The following TGFB1 variants were observed in gnomAD, a reference collection of about 807,000 sequenced individuals.
TGFB1 encodes transforming growth factor beta-1 proprotein.
In TGFB1, 19 loss-of-function variants were observed where a neutral mutation model predicts 43.8. The ratio of observed to expected loss-of-function variants is 0.43; its 90% CI spans 0.30 to 0.64. TGFB1 has a LOEUF of 0.64. Among genes scored for constraint, TGFB1 ranks in the 30% least tolerant of loss-of-function variants. The pLI, the probability that TGFB1 is intolerant of heterozygous loss-of-function variation, is 0.11. For synonymous variants in TGFB1, 221 were observed against 236.3 expected, an observed-to-expected ratio of 0.94 and a Z score of 0.60; for missense variants, 445 against 529.8, an observed-to-expected ratio of 0.84 and a Z score of 1.57.
At chr19:41,331,647 C>T (rs1171579946) in intron 6 of TGFB1, among the ~76,000 whole-genome samples, 1 of 142,964 alleles carries the variant, frequency 7.0e-6, no homozygotes, top group East Asian at 2.2e-4. Context: ...CTCCTGGGCT[C>T]AAGCGATCCT....
At chr19:41,340,267 T>C (rs1271499075) in intron 5 of TGFB1, among the ~76,000 whole-genome samples, 2 of 148,748 alleles carry the variant, frequency 1.3e-5, no homozygotes, top group African/African-American at 2.5e-5. Context: ...TTTTTTTTTT[T>C]TTTTTTTTAG....
intron 1 of TGFB1, chr19:41,350,887 A>T (rs190286229): frequency 1.3e-5 from 2 of 152,082 alleles, no homozygotes; most frequent in African/African-American, 2.4e-5. Context: ...GGGAAGACAG[A>T]TAGGGAGGAA....
At chr19:41,332,396 A>T in intron 5 of TGFB1, 115 bp from the exon 6 acceptor site, 2 of 1,238,964 alleles carry the variant, frequency 1.6e-6, no homozygotes, top group East Asian at 2.6e-5. Flanking sequence ...CCCTATCTCC[A>T]TCTGGGTCTC....
At chr19:41,347,351 T>C (rs959789168) in intron 2 of TGFB1, among the ~76,000 whole-genome samples, 1 of 152,268 alleles carries the variant, frequency 6.6e-6, no homozygotes, top group African/African-American at 2.4e-5. Context: ...TTTAAACAAT[T>C]TAAATTTTAA....
rs1203938760 is a variant in TGFB1, at chr19:41,352,876, G to A, written c.169C>T (p.Leu57=). 6.4e-7 allele frequency: 1 copy of A among 1,564,408 alleles called. No homozygotes were observed. Among genetic ancestry groups the A allele is most frequent in the Admixed American group, 1.9e-5 (1 of 51,970 alleles). The part of the protein sequence containing the change: ...EAIRGQILSK[L]RLASPPSQGE... ...TGGCTCGGGGGGCTGGCGAGCCGCAGCTTGGACAGGATCTGGCCGCGGATG... is the reference window on the plus strand; with the variant it reads ...TGGCTCGGGGGGCTGGCGAGCCGCAACTTGGACAGGATCTGGCCGCGGATG... Residue 57 remains leucine (L), a synonymous_variant, in exon 1 of 7, where the codon CTG becomes TTG. Transcript: ENST00000221930.
At chr19:41,348,179 T>C in intron 2 of TGFB1, 116 bp downstream of exon 2, 6 of 1,155,700 alleles carry the variant, frequency 5.2e-6, no homozygotes, top group Non-Finnish European at 6.4e-6. Flanking sequence ...TGTTCTTCTA[T>C]CCTTCAGGGA....
intron 1 of TGFB1, among the ~76,000 whole-genome samples, chr19:41,348,719 G>T (rs1470778424): frequency 6.6e-6 from 1 of 151,744 alleles, no homozygotes; most frequent in Non-Finnish European, 1.5e-5. Context: ...CGCCTCCAGG[G>T]TTCAAGCAAT....
intron 2 of TGFB1, among the ~76,000 whole-genome samples, chr19:41,345,644 G>C (rs2038107558): frequency 1.3e-5 from 2 of 152,006 alleles, no homozygotes; most frequent in African/African-American, 2.4e-5. Flanking sequence ...GCTCACGCCT[G>C]TTATCCCAGC....
intron 2 of TGFB1, among the ~76,000 whole-genome samples, chr19:41,346,401 A>G (rs972954756): frequency 6.6e-6 from 1 of 152,220 alleles, no homozygotes; most frequent in Non-Finnish European, 1.5e-5. Context: ...AGTCCACTCC[A>G]GGGACTGCAG....
chr19:41,352,564 C>T lies in TGFB1; in HGVS notation c.355+126G>A, dbSNP rs575457651. 11 of 1,154,876 alleles carry T rather than the reference C, an allele frequency of 9.5e-6. No individual in the cohort carries two copies. In the South Asian group the frequency reaches 1.3e-4, roughly 14 times the overall value. 71.5% of individuals were successfully genotyped at this position (1,154,876 alleles called of 1,614,324 possible). ...ACCCCCCTCCCACCATCACACGTTC[C>T]CTTTGCCCCGGGGTGTCCTCTTCCT... is the stretch of plus-strand genomic sequence containing the variant. On this transcript the variant is annotated intron_variant, in intron 1 of 6. Transcript: ENST00000221930.
intron 2 of TGFB1, among the ~76,000 whole-genome samples, chr19:41,346,098 C>A (rs1302905268): frequency 6.6e-6 from 1 of 152,052 alleles, no homozygotes; most frequent in Non-Finnish European, 1.5e-5. Context: ...CGCTTGTAAT[C>A]CCAGCACTTT....
intron 5 of TGFB1, among the ~76,000 whole-genome samples, chr19:41,341,312 A>G (rs565042542): frequency 1.6e-4 from 23 of 148,078 alleles, no homozygotes; most frequent in Admixed American, 1.1e-3. Flanking sequence ...TAAAAATACA[A>G]AAAAATTAGC....
chr19:41,353,105 GC>G lies in TGFB1; in HGVS notation c.-62del. ...CGAACAGGGCTGGTGTGGTGGGGAG[GC>G]CCCGCCCCTGCAGGGGCTGGGGGTC... On this transcript the variant is annotated 5_prime_UTR_variant, in exon 1 of 7. Coordinates refer to ENST00000221930, the MANE Select transcript of TGFB1 (RefSeq NM_000660.7). The surrounding 1 kb of genome is among the most constrained non-coding windows in gnomAD (Gnocchi z 5.9). The G allele has an allele frequency of 6.9e-7, 1 of 1,441,410 alleles. No individual in the cohort carries two copies. The highest frequency in any genetic ancestry group is 2.6e-5 in the East Asian group (1 of 38,378). The allele number at this position is 1,441,410 out of a possible 1,614,324, so 89.3% of individuals were successfully genotyped here.
chr19:41,335,254 A>G (rs1278846650), intron 5 of TGFB1, among the ~76,000 whole-genome samples: 1 of 151,972 alleles, frequency 6.6e-6, no homozygotes, highest in Non-Finnish European at 1.5e-5. Context: ...GGGTTTCACC[A>G]TGTTGGTCAG....
chr19:41,350,430 A>G (rs1599895591), intron 1 of TGFB1, among the ~76,000 whole-genome samples: 1 of 148,114 alleles, frequency 6.8e-6, no homozygotes, highest in African/African-American at 2.5e-5. Flanking sequence ...TCAGCCTCCC[A>G]AGTAGCTGGG....
rs2038097068 is a variant in TGFB1, at chr19:41,344,771, C to T, written c.610G>A (p.Val204Met). Residue 204 changes from valine (V) to methionine (M), a missense_variant, in exon 3 of 7, where the codon GTG becomes ATG. Around this residue, in one of 3 missense-constraint regions of TGFB1, gnomAD observed 366 missense variants for 428.8 expected, o/e 0.85. Transcript: ENST00000221930. ...EWLSFDVTGVVRQWLSRGGEI... is the reference protein window; with the variant it reads ...EWLSFDVTGVMRQWLSRGGEI... ...CCTCCACGGCTCAACCACTGCCGCACAACTCCGGTGACATCAAAAGATAAC... is the reference window on the plus strand; with the variant it reads ...CCTCCACGGCTCAACCACTGCCGCATAACTCCGGTGACATCAAAAGATAAC... The T allele has an allele frequency of 1.2e-6, 2 of 1,614,040 alleles. No homozygotes were observed. Among genetic ancestry groups the T allele is most frequent in the African/African-American group, 1.3e-5 (1 of 75,054 alleles).
chr19:41,338,362 C>G (rs1389903259), intron 5 of TGFB1, among the ~76,000 whole-genome samples: 1 of 151,000 alleles, frequency 6.6e-6, no homozygotes, highest in African/African-American at 2.4e-5. Context: ...GGCATGGTGG[C>G]AGGTGCCTAT....
rs2037937586 is a variant in TGFB1, at chr19:41,332,034, A to G, written c.1014+94T>C. 1.5e-5 allele frequency: 23 copies of G among 1,490,174 alleles called. No individual in the cohort carries two copies. The South Asian group carries it at 2.7e-4, about 18-fold the overall frequency. The allele number at this position is 1,490,174 out of a possible 1,614,324, so 92.3% of individuals were successfully genotyped here. On this transcript the variant is annotated intron_variant, in intron 6 of 6. Coordinates refer to ENST00000221930, the MANE Select transcript of TGFB1 (RefSeq NM_000660.7). ...CCCTCTCTTTCTCCCCATCCTGCCA[A>G]CTCACCTCTCTGACTTTACTTCTCT... is the stretch of plus-strand genomic sequence containing the variant.
intron 5 of TGFB1, among the ~76,000 whole-genome samples, chr19:41,341,479 A>AAAAAAAAAAAAAG (rs1288547326): frequency 6.7e-6 from 1 of 149,870 alleles, no homozygotes; most frequent in Non-Finnish European, 1.5e-5. Context: ...AAAAAAAAAA[A>AAAAAAAAAAAAAG]AAAAAAAAAA....
Sources: gnomAD v4.1 joint callset for allele counts (sites outside exome capture counted in the v4.1 genomes callset) on GRCh38, gnomAD v4.1.1 for gene constraint, gnomAD v4.1.1 regional missense constraint, Gnocchi (gnomAD v3.1) non-coding constraint, MANE v1.5 for transcripts, NCBI Gene and HGNC (gene_info 2026-07-23, HGNC 2026-07-21) for gene names.